The following ASAP1 variants were observed in gnomAD, a reference collection of about 807,000 sequenced individuals.
ASAP1 encodes the protein ArfGAP with SH3 domain, ankyrin repeat and PH domain 1.
Under a neutral mutation model 145.2 loss-of-function variants are expected in ASAP1, and 43 were observed. The ratio of observed to expected loss-of-function variants is 0.30; its 90% CI spans 0.23 to 0.38. The LOEUF (loss-of-function observed/expected upper bound fraction) is 0.38. Ranked by LOEUF, ASAP1 falls within the 10% of genes least tolerant of loss-of-function variation. The pLI, the probability that ASAP1 is intolerant of heterozygous loss-of-function variation, is 1.00. For synonymous variants in ASAP1, 546 were observed against 515.5 expected, an observed-to-expected ratio of 1.06 and a Z score of -0.80; for missense variants, 1,018 against 1,355.3, an observed-to-expected ratio of 0.75 and a Z score of 3.91.
chr8:130,241,127 T>C (rs1818501754), intron 3 of ASAP1, among the ~76,000 whole-genome samples: 1 of 152,074 alleles, frequency 6.6e-6, no homozygotes, highest in Admixed American at 6.6e-5. Flanking sequence ...GCTCAGGACA[T>C]TTGAACTAGT....
rs1033987041 is a variant in ASAP1, at chr8:130,306,206, A to G, written c.186+51811T>C. 1.1e-4 allele frequency among the ~76,000 whole-genome samples: 16 copies of G among 152,176 alleles called. 1 individual carries two copies. Among genetic ancestry groups the G allele is most frequent in the African/African-American group, 3.9e-4 (16 of 41,448 alleles). On this transcript the variant is annotated intron_variant, in intron 3 of 29. Coordinates refer to ENST00000518721, the MANE Select transcript of ASAP1 (RefSeq NM_018482.4). ...GATTCAGGGAAAATTATGTATAGAA[A>G]CACCTTGATACTGCAGGCAATCTAG...
rs796460174 is a variant in ASAP1, at chr8:130,350,866, A to G, written c.186+7151T>C. Among the ~76,000 whole-genome samples, 3 of 152,242 alleles carry G rather than the reference A, an allele frequency of 2.0e-5. No individual in the cohort carries two copies. In the East Asian group the frequency reaches 5.8e-4, roughly 29 times the overall value. ...CAGCCCTGAAGAAACTGCAACTGAG[A>G]GTAGTGGTTCTTTAGCCAGGGCTCT... is the stretch of plus-strand genomic sequence containing the variant. On this transcript the variant is annotated intron_variant, in intron 3 of 29. Transcript: ENST00000518721.
chr8:130,351,721 A>G (rs1183016552), intron 3 of ASAP1, among the ~76,000 whole-genome samples: 1 of 152,176 alleles, frequency 6.6e-6, no homozygotes, highest in African/African-American at 2.4e-5. Context: ...CTCACTTATC[A>G]CCAAGGGGAT....
At chr8:130,274,481 C>T (rs891728390) in intron 3 of ASAP1, among the ~76,000 whole-genome samples, 2 of 151,910 alleles carry the variant, frequency 1.3e-5, no homozygotes, top group African/African-American at 4.8e-5. Flanking sequence ...TGGTCTGAAC[C>T]CTTGCACCAG....
chr8:130,327,308 A>C (rs2670881), intron 3 of ASAP1, among the ~76,000 whole-genome samples: 17,698 of 152,126 alleles, frequency 0.12, 1,128 homozygotes, highest in Non-Finnish European at 0.15. Context: ...GTTGTACCAA[A>C]ATTGTTGGGC....
At chr8:130,387,991 A>G (rs1021411594) in intron 2 of ASAP1, among the ~76,000 whole-genome samples, 1 of 152,242 alleles carries the variant, frequency 6.6e-6, no homozygotes, top group Non-Finnish European at 1.5e-5. Context: ...ACTGCTAGGA[A>G]GAAAACATAC....
At chr8:130,412,093 G>A (rs917760736) in intron 1 of ASAP1, among the ~76,000 whole-genome samples, 4 of 152,216 alleles carry the variant, frequency 2.6e-5, no homozygotes, top group Admixed American at 2.0e-4. Flanking sequence ...CCAGCCCAGA[G>A]CAGTGAGAGG....
In ASAP1 at chr8:130,182,613, C is replaced by T. The variant is rs1392901637; in HGVS notation, c.531-1733G>A. Among the ~76,000 whole-genome samples, 4 of 152,166 alleles carry T rather than the reference C, an allele frequency of 2.6e-5. No homozygotes were observed. The East Asian group carries it at 7.7e-4, about 29-fold the overall frequency. On this transcript the variant is annotated intron_variant, in intron 7 of 29. Transcript: ENST00000518721. ...GCAGATCTCTAATGATGCATATAAACTTTTAGTCTTTGGGTACCTTGCTCT... is the reference window on the plus strand; with the variant it reads ...GCAGATCTCTAATGATGCATATAAATTTTTAGTCTTTGGGTACCTTGCTCT...
intron 4 of ASAP1, among the ~76,000 whole-genome samples, chr8:130,229,023 C>T (rs1817753513): frequency 6.6e-6 from 1 of 152,178 alleles, no homozygotes; most frequent in Non-Finnish European, 1.5e-5. Flanking sequence ...GAATATCCTT[C>T]TGTTGTCTGT....
chr8:130,210,596 C>T (rs1035909937), intron 5 of ASAP1, among the ~76,000 whole-genome samples: 2 of 152,326 alleles, frequency 1.3e-5, no homozygotes, highest in South Asian at 2.1e-4. Context: ...TAAACACACA[C>T]ATTAGTTTAA....
chr8:130,333,605 AAAAACAAAAC>A (rs1197297653), intron 3 of ASAP1, among the ~76,000 whole-genome samples: 1 of 152,196 alleles, frequency 6.6e-6, no homozygotes, highest in South Asian at 2.1e-4. Flanking sequence ...ACTCCGTCTC[AAAAACAAAAC>A]AAAACAAAAC....
At chr8:130,309,204 G>A (rs931871749) in intron 3 of ASAP1, among the ~76,000 whole-genome samples, 1 of 152,212 alleles carries the variant, frequency 6.6e-6, no homozygotes, top group Admixed American at 6.5e-5. Flanking sequence ...TTGGGGCATA[G>A]TCCCTTTTTA....
At chr8:130,111,972 G>T (rs188143632) in intron 24 of ASAP1, 122 bp downstream of exon 24, 1 of 945,392 alleles carries the variant, frequency 1.1e-6, no homozygotes, top group African/African-American at 1.6e-5. Context: ...CTGACAACAC[G>T]ATCCGCGCCA....
intron 3 of ASAP1, among the ~76,000 whole-genome samples, chr8:130,336,235 G>C (rs377122000): frequency 5.3e-5 from 8 of 152,312 alleles, no homozygotes; most frequent in East Asian, 3.9e-4. Context: ...TAATCACAGT[G>C]GGGGAGAAGA....
At chr8:130,423,207 G>A (rs1016665721) in intron 1 of ASAP1, among the ~76,000 whole-genome samples, 3 of 152,102 alleles carry the variant, frequency 2.0e-5, no homozygotes, top group Admixed American at 1.3e-4. Context: ...AGGTTCAAGC[G>A]ATTCTCCTGC....
chr8:130,139,962 T>A (rs1348043762), intron 13 of ASAP1, among the ~76,000 whole-genome samples: 1 of 149,536 alleles, frequency 6.7e-6, no homozygotes, highest in South Asian at 2.1e-4. Flanking sequence ...TACACTCAGC[T>A]GAGTATTAAC....
At chr8:130,076,322 G>A in intron 27 of ASAP1, 26 bp downstream of exon 27, 1 of 1,574,978 alleles carries the variant, frequency 6.3e-7, no homozygotes, top group Non-Finnish European at 8.7e-7. Context: ...TTAATTACAT[G>A]TAAATGTAAA....
chr8:130,063,578 AGAG>A (rs2097423851), intron 27 of ASAP1, among the ~76,000 whole-genome samples: 1 of 152,132 alleles, frequency 6.6e-6, no homozygotes, highest in African/African-American at 2.4e-5. Context: ...GCAGGGAAAG[AGAG>A]GAGACTGGCC....
At chr8:130,410,440 C>T (rs34987314) in intron 1 of ASAP1, among the ~76,000 whole-genome samples, 49,541 of 151,966 alleles carry the variant, frequency 0.33, 8,856 homozygotes, top group African/African-American at 0.46. Context: ...TTATTCTATA[C>T]TCGGAGGGAG....
Sources: allele counts gnomAD v4.1 joint callset (sites outside exome capture counted in the v4.1 genomes callset), GRCh38; gene constraint gnomAD v4.1.1; transcripts MANE v1.5; gene names NCBI Gene and HGNC (gene_info 2026-07-23, HGNC 2026-07-21).